ELMO1: variants seen among roughly 807,000 people sequenced by gnomAD.
The protein encoded by ELMO1 is engulfment and cell motility protein 1.
In ELMO1, 26 loss-of-function variants were observed where a neutral mutation model predicts 98.9. The ratio of observed to expected loss-of-function variants is 0.26; its 90% CI spans 0.19 to 0.36. The LOEUF is 0.36. Among genes scored for constraint, ELMO1 ranks in the 10% least tolerant of loss-of-function variants. The pLI is 1.00. For synonymous variants in ELMO1, 346 were observed against 346.0 expected (o/e 1.00, Z 0.00); for missense variants, 627 against 935.2 (o/e 0.67, Z 4.30).
At chr7:37,407,276 G>C (rs944098719) in intron 1 of ELMO1, among the ~76,000 whole-genome samples, 1 of 152,070 alleles carries the variant, frequency 6.6e-6, no homozygotes, top group Non-Finnish European at 1.5e-5. Context: ...TTGGGAGGCC[G>C]AGGTGGGCAG....
intron 15 of ELMO1, among the ~76,000 whole-genome samples, chr7:37,079,510 G>A (rs1472354394): frequency 6.6e-6 from 1 of 152,082 alleles, no homozygotes; most frequent in Non-Finnish European, 1.5e-5. Flanking sequence ...GGCCCACACT[G>A]AGCAGCATGC....
intron 1 of ELMO1, among the ~76,000 whole-genome samples, chr7:37,435,961 A>G (rs1805125064): frequency 6.6e-6 from 1 of 152,208 alleles, no homozygotes; most frequent in Admixed American, 6.5e-5. Context: ...AGCAGGTTCA[A>G]CTGAGGCAAA....
intron 6 of ELMO1, among the ~76,000 whole-genome samples, chr7:37,247,008 T>G (rs1329554762): frequency 6.6e-6 from 1 of 152,208 alleles, no homozygotes; most frequent in Non-Finnish European, 1.5e-5. Flanking sequence ...ATTTGTGCTC[T>G]TTTGACTTTT....
At chr7:36,991,831 A>G (rs868206331) in intron 16 of ELMO1, among the ~76,000 whole-genome samples, 11 of 152,152 alleles carry the variant, frequency 7.2e-5, no homozygotes. Flanking sequence ...CTATGCTATA[A>G]AAGGCCCCAT....
chr7:37,238,477 A>C (rs1794591999), intron 7 of ELMO1, among the ~76,000 whole-genome samples: 1 of 152,204 alleles, frequency 6.6e-6, no homozygotes, highest in South Asian at 2.1e-4. Flanking sequence ...AATTTTCTAA[A>C]TAGATAATCA....
At chr7:36,961,148 T>C (rs950136030) in intron 16 of ELMO1, among the ~76,000 whole-genome samples, 1 of 152,190 alleles carries the variant, frequency 6.6e-6, no homozygotes, top group Non-Finnish European at 1.5e-5. Flanking sequence ...TAGGAAAAAG[T>C]ATTTTCCACT....
At chr7:37,245,260 C>T (rs1794941486) in intron 6 of ELMO1, among the ~76,000 whole-genome samples, 1 of 152,160 alleles carries the variant, frequency 6.6e-6, no homozygotes, top group African/African-American at 2.4e-5. Context: ...CCTGAGGACA[C>T]ATCAGCTATA....
chr7:37,414,914 G>T (rs2052681), intron 1 of ELMO1, among the ~76,000 whole-genome samples: 22,798 of 152,010 alleles, frequency 0.15, 2,132 homozygotes, highest in South Asian at 0.26. Flanking sequence ...TTTTCTTCCT[G>T]CAGACTGCAA....
In ELMO1 at chr7:36,967,664, G is replaced by A. The variant is rs146310373; in HGVS notation, c.1437+45635C>T. On this transcript the variant is annotated intron_variant, in intron 16 of 21. Transcript: ENST00000310758. ...ATAGGTAACACCAATAGGAGTTTCT[G>A]GTAGGGATTCAGGCACCTGGTGATG... Among the ~76,000 whole-genome samples, 484 of 152,298 alleles carry A rather than the reference G, an allele frequency of 3.2e-3. 1 individual carries two copies. Among genetic ancestry groups the A allele is most frequent in the Non-Finnish European group, 5.6e-3 (383 of 68,030 alleles).
At chr7:36,999,502 C>T (rs1418241772) in intron 16 of ELMO1, among the ~76,000 whole-genome samples, 1 of 152,104 alleles carries the variant, frequency 6.6e-6, no homozygotes, top group Non-Finnish European at 1.5e-5. Context: ...GGTGTGAATC[C>T]CACTCCTTGG....
chr7:37,124,453 C>T lies in ELMO1; in HGVS notation c.1191+8677G>A, dbSNP rs192088385. On this transcript the variant is annotated intron_variant, in intron 14 of 21. Coordinates refer to ENST00000310758, the MANE Select transcript of ELMO1 (RefSeq NM_014800.11). ...TCAGCAAAGTCTCAGGATACAAAAT[C>T]AATGTGCAAAAATCACAAGCACTCT... is the stretch of plus-strand genomic sequence containing the variant. 6.6e-3 allele frequency among the ~76,000 whole-genome samples: 1,012 copies of T among 152,290 alleles called. 10 individuals carry two copies. Among genetic ancestry groups the T allele is most frequent in the African/African-American group, 0.023 (959 of 41,552 alleles).
At chr7:37,426,121 T>C (rs1362088354) in intron 1 of ELMO1, among the ~76,000 whole-genome samples, 3 of 146,976 alleles carry the variant, frequency 2.0e-5, no homozygotes, top group South Asian at 2.2e-4. Context: ...TCTCTCTCTC[T>C]CTCTCCCTCT....
intron 1 of ELMO1, among the ~76,000 whole-genome samples, chr7:37,385,208 G>A (rs540126565): frequency 1.3e-5 from 2 of 152,220 alleles, no homozygotes; most frequent in African/African-American, 4.8e-5. Context: ...CCTAAGTCAG[G>A]TCATGTGGCT....
At chr7:37,164,356 T>A (rs1789476430) in intron 13 of ELMO1, among the ~76,000 whole-genome samples, 1 of 152,092 alleles carries the variant, frequency 6.6e-6, no homozygotes, top group African/African-American at 2.4e-5. Flanking sequence ...ATCCCATTTG[T>A]CAATTTTGGC....
chr7:37,012,561 T>G (rs1201893614), intron 16 of ELMO1, among the ~76,000 whole-genome samples: 1 of 152,232 alleles, frequency 6.6e-6, no homozygotes, highest in African/African-American at 2.4e-5. Flanking sequence ...GGCCTTTATC[T>G]AAGGACAAAG....
intron 15 of ELMO1, among the ~76,000 whole-genome samples, chr7:37,025,895 T>TTCTATCTATCTATCTATCTATCTA (rs57497721): frequency 7.0e-6 from 1 of 142,920 alleles, no homozygotes; most frequent in Non-Finnish European, 1.5e-5. Context: ...ATATTATATA[T>TTCTATCTATCTATCTATCTATCTA]TCTATCTATC....
chr7:36,861,698 T>C lies in ELMO1; in HGVS notation c.1944A>G (p.Ser648=), dbSNP rs1802643792. 1 of 1,612,028 alleles carries C rather than the reference T, an allele frequency of 6.2e-7. No homozygotes were observed. The highest frequency in any genetic ancestry group is 8.5e-7 in the Non-Finnish European group (1 of 1,179,642). The change falls in exon 21 of 22, where the codon TCA becomes TCG. Residue 648 remains serine, a synonymous_variant. Coordinates refer to ENST00000310758, the MANE Select transcript of ELMO1 (RefSeq NM_014800.11). ...LELAFSILYD[S]NCQLNFIAPD... Reference sequence around the variant, plus strand: ...GAGCGATGAAGTTCAGTTGGCAGTTTGAGTCATACAAGATGGAGAAAGCGA... The same window carrying C: ...GAGCGATGAAGTTCAGTTGGCAGTTCGAGTCATACAAGATGGAGAAAGCGA...
chr7:37,307,268 G>T (rs1410092358), intron 4 of ELMO1, among the ~76,000 whole-genome samples: 1 of 152,166 alleles, frequency 6.6e-6, no homozygotes, highest in Non-Finnish European at 1.5e-5. Context: ...ATTCCCACGT[G>T]CCGATGGGAG....
chr7:37,271,782 A>T lies in ELMO1; in HGVS notation c.243+50T>A, dbSNP rs367558607. The T allele has an allele frequency of 8.2e-6, 13 of 1,588,626 alleles. No individual in the cohort carries two copies. In the African/African-American group the frequency reaches 1.1e-4, roughly 13 times the overall value. ...AATATCCCACAATCACATATAGCAG[A>T]AACGCAGAGCAAAGAGTTTGCTGGA... On this transcript the variant is annotated intron_variant, in intron 5 of 21. Transcript: ENST00000310758.
Sources: gnomAD v4.1 joint callset for allele counts (sites outside exome capture counted in the v4.1 genomes callset) on GRCh38, gnomAD v4.1.1 for gene constraint, MANE v1.5 for transcripts, NCBI Gene and HGNC (gene_info 2026-07-23, HGNC 2026-07-21) for gene names.